Variants in SPECC1L observed in about 807,000 individuals in gnomAD.
The protein encoded by SPECC1L is cytospin-A.
In SPECC1L, 40 loss-of-function variants were observed where a neutral mutation model predicts 116.8. The observed-to-expected ratio is 0.34, with a 90% CI of 0.27 to 0.45. The LOEUF (loss-of-function observed/expected upper bound fraction) is 0.45. Among genes scored for constraint, SPECC1L ranks in the 20% least tolerant of loss-of-function variants. The pLI, the probability that SPECC1L is intolerant of heterozygous loss-of-function variation, is 1.00. For missense variants in SPECC1L, 1,110 were observed against 1,373.6 expected (o/e 0.81, Z 3.03); for synonymous variants, 504 against 500.6 (o/e 1.01, Z -0.09).
chr22:24,377,408 A>C (rs1400332997), intron 14 of SPECC1L, among the ~76,000 whole-genome samples: 6 of 152,158 alleles, frequency 3.9e-5, no homozygotes, highest in Non-Finnish European at 5.9e-5. Context: ...ATCTACAGGC[A>C]CATCCCACCA....
chr22:24,392,985 C>G (rs148634400), intron 14 of SPECC1L, among the ~76,000 whole-genome samples: 1 of 152,204 alleles, frequency 6.6e-6, no homozygotes, highest in South Asian at 2.1e-4. Context: ...TGGCCACATT[C>G]CAAGGACAGT....
intron 10 of SPECC1L, among the ~76,000 whole-genome samples, chr22:24,344,894 A>G (rs980264989): frequency 6.6e-6 from 1 of 152,248 alleles, no homozygotes; most frequent in Non-Finnish European, 1.5e-5. Context: ...ATAAATAGAA[A>G]GTGATGTCAT....
rs62233974 is a variant in SPECC1L, at chr22:24,377,798, G to A, written c.3087+8478G>A. Among the ~76,000 whole-genome samples, 1,183 of 152,254 alleles carry A rather than the reference G, an allele frequency of 7.8e-3. 9 individuals are homozygous for A. The highest frequency in any genetic ancestry group is 0.024 in the South Asian group (118 of 4,826). On this transcript the variant is annotated intron_variant, in intron 14 of 16. Coordinates refer to ENST00000314328, the MANE Select transcript of SPECC1L (RefSeq NM_015330.6). Reference sequence around the variant, plus strand: ...AAGGAACAGTGGGCTTAAAATGTTCGATAACTATGCTGTCAACAGATGTGC... The same window carrying A: ...AAGGAACAGTGGGCTTAAAATGTTCAATAACTATGCTGTCAACAGATGTGC...
At chr22:24,378,118 C>G (rs12158742) in intron 14 of SPECC1L, among the ~76,000 whole-genome samples, 189 of 152,362 alleles carry the variant, frequency 1.2e-3, no homozygotes, top group African/African-American at 4.1e-3. Flanking sequence ...GTGATCTTAG[C>G]TAGATCTTCT....
chr22:24,350,833 A>C (rs2041406428), intron 11 of SPECC1L, among the ~76,000 whole-genome samples: 1 of 152,186 alleles, frequency 6.6e-6, no homozygotes, highest in Non-Finnish European at 1.5e-5. Flanking sequence ...TCTGAGGGTA[A>C]GTATAACCCT....
intron 16 of SPECC1L, 124 bp downstream of exon 16, chr22:24,412,831 G>T: frequency 1.0e-6 from 1 of 971,746 alleles, no homozygotes; most frequent in East Asian, 2.5e-5. Flanking sequence ...AGGCAGCTAT[G>T]GGGTGCTCTG....
At chr22:24,390,564 T>A (rs1026329953) in intron 14 of SPECC1L, among the ~76,000 whole-genome samples, 5 of 152,188 alleles carry the variant, frequency 3.3e-5, no homozygotes, top group African/African-American at 1.2e-4. Flanking sequence ...TACAGAAAGA[T>A]CTTATTGTTT....
At chr22:24,353,561 CA>C (rs2041468463) in intron 11 of SPECC1L, among the ~76,000 whole-genome samples, 1 of 152,036 alleles carries the variant, frequency 6.6e-6, no homozygotes, top group Admixed American at 6.6e-5. Flanking sequence ...CATACCACCA[CA>C]CTCAGCTAAT....
chr22:24,412,421 C>CG (rs1601374498), intron 15 of SPECC1L: 1 of 616,748 alleles, frequency 1.6e-6, no homozygotes, highest in East Asian at 2.8e-5. Flanking sequence ...GAGGAAAGAA[C>CG]GGGTGTTGGT....
At chr22:24,315,555 T>C (rs1426279123) in intron 4 of SPECC1L, among the ~76,000 whole-genome samples, 2 of 152,266 alleles carry the variant, frequency 1.3e-5, no homozygotes, top group Admixed American at 6.5e-5. Context: ...TTAAATACTC[T>C]TGCCATTTGC....
chr22:24,386,155 C>G (rs1601325849), intron 14 of SPECC1L, among the ~76,000 whole-genome samples: 1 of 149,004 alleles, frequency 6.7e-6, no homozygotes, highest in African/African-American at 2.5e-5. Flanking sequence ...TTCTAACAAA[C>G]TGGGAATAAA....
intron 11 of SPECC1L, among the ~76,000 whole-genome samples, chr22:24,357,818 CT>C (rs567112145): frequency 1.2e-3 from 176 of 152,338 alleles, no homozygotes; most frequent in African/African-American, 4.0e-3. Context: ...CAGTTTTAGG[CT>C]GTCCTTTGCA....
intron 10 of SPECC1L, among the ~76,000 whole-genome samples, chr22:24,343,149 G>A (rs1353665594): frequency 6.6e-6 from 1 of 151,964 alleles, no homozygotes; most frequent in Non-Finnish European, 1.5e-5. Flanking sequence ...AGCTGAGATC[G>A]CACCACTGCA....
intron 3 of SPECC1L, among the ~76,000 whole-genome samples, chr22:24,304,149 T>C (rs1007544066): frequency 3.3e-5 from 5 of 152,126 alleles, no homozygotes; most frequent in African/African-American, 9.7e-5. Context: ...TGAATTCCTT[T>C]AACTGTCATG....
intron 12 of SPECC1L, among the ~76,000 whole-genome samples, chr22:24,365,133 A>T (rs545941584): frequency 1.1e-4 from 17 of 151,902 alleles, no homozygotes; most frequent in Non-Finnish European, 2.5e-4. Context: ...CCAGCCTCCC[A>T]TGTAGCTGGG....
At chr22:24,282,822 G>T (rs2048969978) in intron 2 of SPECC1L, among the ~76,000 whole-genome samples, 1 of 150,942 alleles carries the variant, frequency 6.6e-6, no homozygotes, top group South Asian at 2.1e-4. Flanking sequence ...CTGTCACCCA[G>T]GCTGGAGTGC....
intron 2 of SPECC1L, among the ~76,000 whole-genome samples, chr22:24,289,679 A>G (rs1350227455): frequency 6.6e-6 from 1 of 150,524 alleles, no homozygotes; most frequent in Non-Finnish European, 1.5e-5. Flanking sequence ...TTGAGTTGGT[A>G]TTACTGATAA....
In SPECC1L at chr22:24,353,659, C is replaced by T. The variant is rs185204850; in HGVS notation, c.2743+6483C>T. On this transcript the variant is annotated intron_variant, in intron 11 of 16. Transcript: ENST00000314328. ...CTGACCTCAGGTGATCCGCCCACCTCGACCTCCCACAGTGCTAGCATAACA... is the reference window on the plus strand; with the variant it reads ...CTGACCTCAGGTGATCCGCCCACCTTGACCTCCCACAGTGCTAGCATAACA... Among the ~76,000 whole-genome samples, 601 of 152,078 alleles carry T rather than the reference C, an allele frequency of 4.0e-3. 2 individuals carry two copies. Among genetic ancestry groups the T allele is most frequent in the African/African-American group, 0.013 (537 of 41,488 alleles).
intron 4 of SPECC1L, among the ~76,000 whole-genome samples, chr22:24,319,295 TCTC>T (rs74743647): frequency 0.021 from 3,221 of 152,234 alleles, 42 homozygotes; most frequent in Non-Finnish European, 0.032. Context: ...GGCACATTCT[TCTC>T]CACATAGTGG....
Sources: allele counts gnomAD v4.1 joint callset (sites outside exome capture counted in the v4.1 genomes callset), GRCh38; gene constraint gnomAD v4.1.1; transcripts MANE v1.5; gene names NCBI Gene and HGNC (gene_info 2026-07-23, HGNC 2026-07-21).